Variants in ZNF891 observed in about 807,000 individuals in gnomAD.
ZNF891 encodes hCG1646157.
For synonymous variants in ZNF891, 199 were observed against 209.0 expected (o/e 0.95, Z 0.41); for missense variants, 589 against 632.7 (o/e 0.93, Z 0.74).
chr12:133,105,760 TG>T lies in ZNF891; in HGVS notation c.*14523del. The T allele has an allele frequency of 6.2e-7, 1 of 1,614,200 alleles. No individual in the cohort carries two copies. The highest frequency in any genetic ancestry group is 8.5e-7 in the Non-Finnish European group (1 of 1,180,032). ...ATATCAGTACTGTGGAGAGGCCCTA[TG>T]GATGCCATGAATGTGGAAAAACTTT... On this transcript the variant is annotated 3_prime_UTR_variant, in exon 2 of 2. Transcript: ENST00000537226.
chr12:133,125,999 G>A, intron 1 of ZNF891: 1 of 346,746 alleles, frequency 2.9e-6, no homozygotes, highest in African/African-American at 2.1e-5. Flanking sequence ...TTCTCATCAG[G>A]AAAAAATAAA....
rs1277591853 is a variant in ZNF891, at chr12:133,121,607, T to C, written c.312A>G (p.Lys104=). The C allele has an allele frequency of 6.5e-6, 10 of 1,536,492 alleles. No homozygotes were observed. The highest frequency in any genetic ancestry group is 1.4e-5 in the African/African-American group (1 of 73,184). ...PLDQEEIRNM[K]KRIPQAICPD... is the part of the protein sequence containing the mutation. ...GACAGATGGCTTGGGGAATTCTCTTTTTCATATTCCTTATCTCTTCTTGAT... is the reference window on the plus strand; with the variant it reads ...GACAGATGGCTTGGGGAATTCTCTTCTTCATATTCCTTATCTCTTCTTGAT... The change falls in exon 2 of 2, where the codon AAA becomes AAG. Residue 104 remains lysine (K), a synonymous_variant. Transcript: ENST00000537226.
intron 1 of ZNF891, 78 bp from the exon 2 acceptor site, chr12:133,122,102 A>C (rs1034867820): frequency 7.3e-6 from 10 of 1,375,904 alleles, no homozygotes; most frequent in Non-Finnish European, 9.4e-6. Context: ...TGAATACAAA[A>C]TTGTAGACCC....
At chr12:133,122,410 A>C (rs1012481636) in intron 1 of ZNF891, 2 of 170,620 alleles carry the variant, frequency 1.2e-5, no homozygotes, top group Non-Finnish European at 2.4e-5. Context: ...TGTGAAACAC[A>C]CCTGTTTCAT....
chr12:133,124,072 T>C (rs1485745317), intron 1 of ZNF891, among the ~76,000 whole-genome samples: 4 of 152,194 alleles, frequency 2.6e-5, no homozygotes, highest in Non-Finnish European at 4.4e-5. Flanking sequence ...TACTTTAAAA[T>C]GCCTTACCCT....
Position 133,114,858 on chromosome 12 carries a change from A to G in ZNF891, c.*5426T>C, listed in dbSNP as rs1257434328. 6.6e-6 allele frequency: 1 copy of G among 152,268 alleles called. No individual in the cohort carries two copies. The highest frequency in any genetic ancestry group is 2.4e-5 in the African/African-American group (1 of 41,478). The allele number at this position is 152,268 out of a possible 1,614,324, so 9.4% of individuals were successfully genotyped here. On this transcript the variant is annotated 3_prime_UTR_variant, in exon 2 of 2. Coordinates refer to ENST00000537226, the MANE Select transcript of ZNF891 (RefSeq NM_001277291.2). Reference sequence around the variant, plus strand: ...TTTATCTTAACTGGAGAAAAAGGCCAGAAGAAGATTAAACGTGAAATGTTA... The same window carrying G: ...TTTATCTTAACTGGAGAAAAAGGCCGGAAGAAGATTAAACGTGAAATGTTA...
chr12:133,126,699 C>G (rs1955820972), intron 1 of ZNF891, among the ~76,000 whole-genome samples: 3 of 149,016 alleles, frequency 2.0e-5, no homozygotes, highest in Non-Finnish European at 4.4e-5. Context: ...CACCTGTAAT[C>G]CCAGCTACTC....
rs1195308989 is a variant in ZNF891 at position 133,121,065 on chromosome 12, T to C, written c.854A>G (p.Asn285Ser). ...HFTHNMFPVPNNLHMAQNACE... is the reference protein window; with the variant it reads ...HFTHNMFPVPSNLHMAQNACE... ...GGCATTCTGTGCCATATGCAAATTG[T>C]TAGGTACAGGAAACATATTATGTGT... The change falls in exon 2 of 2, where the codon AAC (asparagine) becomes AGC (serine). Residue 285 changes from asparagine to serine, a missense_variant. Coordinates refer to ENST00000537226, the MANE Select transcript of ZNF891 (RefSeq NM_001277291.2). The C allele has an allele frequency of 4.6e-6, 7 of 1,535,658 alleles. No homozygotes were observed. Among genetic ancestry groups the C allele is most frequent in the Non-Finnish European group, 6.1e-6 (7 of 1,146,880 alleles).
In ZNF891 at chr12:133,111,644, T is replaced by C. The variant is rs905049560; in HGVS notation, c.*8640A>G. 2.6e-4 allele frequency: 39 copies of C among 152,290 alleles called. No homozygotes were observed. The highest frequency in any genetic ancestry group is 9.4e-4 in the African/African-American group (39 of 41,574). The allele number at this position is 152,290 out of a possible 1,614,324, so 9.4% of individuals were successfully genotyped here. On this transcript the variant is annotated 3_prime_UTR_variant, in exon 2 of 2. Transcript: ENST00000537226. ...TATTTTAGAAAAATCAAAACTCCCATGAAACTGTGCTCATAGGTAGAAAAT... is the reference window on the plus strand; with the variant it reads ...TATTTTAGAAAAATCAAAACTCCCACGAAACTGTGCTCATAGGTAGAAAAT...
Position 133,105,741 on chromosome 12 carries a change from G to T in ZNF891, c.*14543C>A. 1 of 1,614,198 alleles carries T rather than the reference G, an allele frequency of 6.2e-7. No homozygotes were observed. The highest frequency in any genetic ancestry group is 8.5e-7 in the Non-Finnish European group (1 of 1,180,044). ...GCCCTGGCTCAACATATGAATATCA[G>T]TACTGTGGAGAGGCCCTATGGATGC... On this transcript the variant is annotated 3_prime_UTR_variant, in exon 2 of 2. Transcript: ENST00000537226.
chr12:133,112,462 A>G lies in ZNF891; in HGVS notation c.*7822T>C, dbSNP rs1955688996. ...TCAGCCTCCCAGTAGCTGGGACTAC[A>G]GGTGTGTGCCACCACGCCCAGCTAG... On this transcript the variant is annotated 3_prime_UTR_variant, in exon 2 of 2. Transcript: ENST00000537226. The G allele has an allele frequency of 6.6e-6, 1 of 152,624 alleles. No homozygotes were observed. The highest frequency in any genetic ancestry group is 1.5e-5 in the Non-Finnish European group (1 of 68,324). The allele number at this position is 152,624 out of a possible 1,614,324, so 9.5% of individuals were successfully genotyped here.
At position 133,111,432 on chromosome 12, in the gene ZNF891, TGAG is replaced by T. The variant is rs1955682078; in HGVS notation, c.*8849_*8851del. 1 of 152,138 alleles carries T rather than the reference TGAG, an allele frequency of 6.6e-6. No individual in the cohort carries two copies. The allele number at this position is 152,138 out of a possible 1,614,324, so 9.4% of individuals were successfully genotyped here. ...GGAGGATCACATGAGCCCAGAAGGT[TGAG>T]GTGGCAGTGAGCTGAGATTGTGCCA... On this transcript the variant is annotated 3_prime_UTR_variant, in exon 2 of 2. Coordinates refer to ENST00000537226, the MANE Select transcript of ZNF891 (RefSeq NM_001277291.2).
chr12:133,123,070 A>G (rs1421599909), intron 1 of ZNF891, among the ~76,000 whole-genome samples: 1 of 152,230 alleles, frequency 6.6e-6, no homozygotes, highest in Non-Finnish European at 1.5e-5. Context: ...CACTTTTGGA[A>G]GACTAGGTAG....
At chr12:133,122,756 A>G (rs1955777136) in intron 1 of ZNF891, among the ~76,000 whole-genome samples, 1 of 152,188 alleles carries the variant, frequency 6.6e-6, no homozygotes, top group South Asian at 2.1e-4. Flanking sequence ...TGTTCATTTG[A>G]TTATTACTTC....
At chr12:133,129,368 G>C (rs1417096872) in intron 1 of ZNF891, among the ~76,000 whole-genome samples, 16 of 151,954 alleles carry the variant, frequency 1.1e-4, no homozygotes. Context: ...GGGCGTGGTG[G>C]CTCATGTCTG....
rs927367565 is a variant in ZNF891 at position 133,107,058 on chromosome 12, GAGCTT to G, written c.*13221_*13225del. Reference sequence around the variant, plus strand: ...AGGACAGAAAGCATGGACAAGGGATGAGCTTTACAAAGATGATGCACTTTGGAGAT... The same window carrying G: ...AGGACAGAAAGCATGGACAAGGGATGTACAAAGATGATGCACTTTGGAGAT... On this transcript the variant is annotated 3_prime_UTR_variant, in exon 2 of 2. Transcript: ENST00000537226. 1 of 156,410 alleles carries G rather than the reference GAGCTT, an allele frequency of 6.4e-6. No homozygotes were observed. Among genetic ancestry groups the G allele is most frequent in the Non-Finnish European group, 1.4e-5 (1 of 70,946 alleles). The allele number at this position is 156,410 out of a possible 1,614,324, so 9.7% of individuals were successfully genotyped here.
Position 133,121,532 on chromosome 12 carries a change from A to C in ZNF891, c.387T>G (p.Ile129Met). Residue 129 changes from isoleucine (I) to methionine (M), a missense_variant, in exon 2 of 2, where the codon ATT becomes ATG. By Grantham distance (10) the Ile-to-Met change is conservative. Coordinates refer to ENST00000537226, the MANE Select transcript of ZNF891 (RefSeq NM_001277291.2). Reference protein sequence around the residue: ...PKTKESTVQKILWEEPSNAVK... With the variant: ...PKTKESTVQKMLWEEPSNAVK... ...CTGCATTGGATGGTTCCTCCCACAA[A>C]ATTTTCTGCACAGTTGATTCTTTGG... is the stretch of plus-strand genomic sequence containing the variant. 3 of 1,536,378 alleles carry C rather than the reference A, an allele frequency of 2.0e-6. No individual in the cohort carries two copies. The highest frequency in any genetic ancestry group is 1.2e-5 in the South Asian group (1 of 84,060).
At position 133,105,646 on chromosome 12, in the gene ZNF891, C is replaced by T. The variant is rs1355201028; in HGVS notation, c.*14638G>A. 1 of 1,614,094 alleles carries T rather than the reference C, an allele frequency of 6.2e-7. No individual in the cohort carries two copies. Among genetic ancestry groups the T allele is most frequent in the South Asian group, 1.1e-5 (1 of 91,076 alleles). On this transcript the variant is annotated 3_prime_UTR_variant, in exon 2 of 2. Transcript: ENST00000537226. ...CCAGTTTTAAAGGAGGCTGGAAATGCAAGGATCATACTGAGATGCTGCAAG... is the reference window on the plus strand; with the variant it reads ...CCAGTTTTAAAGGAGGCTGGAAATGTAAGGATCATACTGAGATGCTGCAAG...
intron 1 of ZNF891, among the ~76,000 whole-genome samples, chr12:133,129,016 A>T (rs766768063): frequency 1.7e-4 from 26 of 152,102 alleles, no homozygotes; most frequent in Non-Finnish European, 3.7e-4. Context: ...AAAGAAAAAA[A>T]TAACAATTAC....
Sources: gnomAD v4.1 joint callset for allele counts (sites outside exome capture counted in the v4.1 genomes callset) on GRCh38, gnomAD v4.1.1 for gene constraint, MANE v1.5 for transcripts, NCBI Gene and HGNC (gene_info 2026-07-23, HGNC 2026-07-21) for gene names.